EDC3: variants seen among roughly 807,000 people sequenced by gnomAD.
EDC3 encodes enhancer of mRNA decapping 3.
In EDC3, 20 loss-of-function variants were observed where a neutral mutation model predicts 41.8. The observed-to-expected ratio is 0.48, with a 90% CI of 0.34 to 0.70. The LOEUF (loss-of-function observed/expected upper bound fraction) is 0.70. Among genes scored for constraint, EDC3 ranks in the 30% least tolerant of loss-of-function variants. The pLI is 0.01. For missense variants in EDC3, 444 were observed against 636.8 expected (o/e 0.70, Z 3.26); for synonymous variants, 206 against 243.2 (o/e 0.85, Z 1.42).
At chr15:74,656,892 A>C (rs2062555850) in intron 3 of EDC3, among the ~76,000 whole-genome samples, 1 of 152,190 alleles carries the variant, frequency 6.6e-6, no homozygotes, top group Admixed American at 6.5e-5. Context: ...CTTCAGAGGG[A>C]TAGCTTGACT....
chr15:74,678,314 G>C (rs557479163), intron 1 of EDC3, among the ~76,000 whole-genome samples: 15 of 152,258 alleles, frequency 9.9e-5, no homozygotes, highest in African/African-American at 3.6e-4. Flanking sequence ...ACAGCAGAGA[G>C]GGCTTACTGG....
chr15:74,685,158 G>C (rs1367898117), intron 1 of EDC3, among the ~76,000 whole-genome samples: 1 of 152,098 alleles, frequency 6.6e-6, no homozygotes, highest in Non-Finnish European at 1.5e-5. Flanking sequence ...ATTCTGGGAG[G>C]CTAAGGTGGG....
intron 3 of EDC3, among the ~76,000 whole-genome samples, chr15:74,669,553 C>T (rs1357269252): frequency 1.3e-5 from 2 of 151,704 alleles, no homozygotes; most frequent in African/African-American, 2.4e-5. Context: ...TGTTTATTCA[C>T]TTGAATCAGG....
rs138873322 is a variant in EDC3, at chr15:74,666,968, T to C, written c.484+4487A>G. On this transcript the variant is annotated intron_variant, in intron 3 of 6. Coordinates refer to ENST00000315127, the MANE Select transcript of EDC3 (RefSeq NM_025083.5). ...AGGAAATGGGAGACCTAAATAACTC[T>C]AGAAATGAATGGAGTCAGATGAAAG... Among the ~76,000 whole-genome samples, 237 of 152,264 alleles carry C rather than the reference T, an allele frequency of 1.6e-3. 1 individual carries two copies. Among genetic ancestry groups the C allele is most frequent in the Non-Finnish European group, 1.9e-3 (132 of 68,022 alleles).
At chr15:74,659,924 A>G (rs2062601408) in intron 3 of EDC3, among the ~76,000 whole-genome samples, 1 of 152,012 alleles carries the variant, frequency 6.6e-6, no homozygotes, top group Non-Finnish European at 1.5e-5. Flanking sequence ...GCGCACATGT[A>G]GTCCCAGCTA....
intron 4 of EDC3, among the ~76,000 whole-genome samples, chr15:74,651,142 T>A (rs1472402402): frequency 1.3e-5 from 2 of 152,218 alleles, no homozygotes; most frequent in African/African-American, 4.8e-5. Flanking sequence ...CTCACACACA[T>A]CTAGTGTTTT....
intron 1 of EDC3, among the ~76,000 whole-genome samples, chr15:74,690,609 A>T (rs1445603820): frequency 1.3e-5 from 2 of 152,248 alleles, no homozygotes; most frequent in African/African-American, 2.4e-5. Flanking sequence ...ACAACAGGAA[A>T]GGTGTTTGTT....
At chr15:74,647,561 T>A (rs934997319) in intron 4 of EDC3, among the ~76,000 whole-genome samples, 3 of 152,198 alleles carry the variant, frequency 2.0e-5, no homozygotes, top group African/African-American at 7.2e-5. Flanking sequence ...CCAAGACACC[T>A]ATCTTAACAG....
At chr15:74,687,497 C>G (rs2062952446) in intron 1 of EDC3, among the ~76,000 whole-genome samples, 1 of 152,174 alleles carries the variant, frequency 6.6e-6, no homozygotes, top group Non-Finnish European at 1.5e-5. Context: ...CCTTCCTCAG[C>G]CTCCTGAGTA....
At chr15:74,650,379 A>T (rs1011395233) in intron 4 of EDC3, among the ~76,000 whole-genome samples, 1 of 152,080 alleles carries the variant, frequency 6.6e-6, no homozygotes, top group African/African-American at 2.4e-5. Context: ...CCCTTTACTC[A>T]TACTATTCAC....
chr15:74,671,913 C>G lies in EDC3; in HGVS notation c.165-139G>C. ...AGAGGCTAGGAAAGGGGGCTGTGTG[C>G]TTAAGGACAGGGGTCAGCCACCAAC... On this transcript the variant is annotated intron_variant, in intron 2 of 6. Coordinates refer to ENST00000315127, the MANE Select transcript of EDC3 (RefSeq NM_025083.5). This position sits in a 1 kb window ranked among gnomAD's most constrained non-coding sequence, Gnocchi z 4.6. 1.2e-6 allele frequency: 1 copy of G among 825,526 alleles called. No individual in the cohort carries two copies. Among genetic ancestry groups the G allele is most frequent in the Non-Finnish European group, 1.9e-6 (1 of 530,172 alleles). The allele number at this position is 825,526 out of a possible 1,614,324, so 51.1% of individuals were successfully genotyped here. A position where few individuals can be genotyped will look rare whatever the true frequency, so the allele number is the denominator to read the frequency against.
At chr15:74,647,078 C>T (rs964597484) in intron 4 of EDC3, among the ~76,000 whole-genome samples, 6 of 149,600 alleles carry the variant, frequency 4.0e-5, no homozygotes, top group African/African-American at 1.5e-4. Flanking sequence ...GGTGCGATCT[C>T]GGCTTACTGC....
intron 1 of EDC3, among the ~76,000 whole-genome samples, chr15:74,675,352 T>G (rs1230143367): frequency 1.3e-5 from 2 of 151,888 alleles, no homozygotes; most frequent in Non-Finnish European, 2.9e-5. Context: ...CATATAAAGA[T>G]CTTATAATTG....
At chr15:74,677,383 G>A (rs1418348906) in intron 1 of EDC3, among the ~76,000 whole-genome samples, 2 of 122,294 alleles carry the variant, frequency 1.6e-5, no homozygotes, top group Non-Finnish European at 3.3e-5. Context: ...TTTTTTTGGA[G>A]ACTGAGTCTC....
At chr15:74,650,848 A>G (rs1173251499) in intron 4 of EDC3, among the ~76,000 whole-genome samples, 1 of 151,934 alleles carries the variant, frequency 6.6e-6, no homozygotes, top group Non-Finnish European at 1.5e-5. Context: ...AAATACAAAA[A>G]TTTGCCAGGT....
intron 4 of EDC3, among the ~76,000 whole-genome samples, chr15:74,649,084 A>G (rs982550633): frequency 4.4e-5 from 4 of 91,238 alleles, no homozygotes; most frequent in African/African-American, 2.0e-4. Flanking sequence ...TTTTTTTTTG[A>G]GACAGAGTCT....
chr15:74,675,100 T>C lies in EDC3; in HGVS notation c.25A>G (p.Ile9Val). Residue 9 changes from isoleucine (I) to valine (V), a missense_variant, in exon 2 of 7, where the codon ATT becomes GTT. Coordinates refer to ENST00000315127, the MANE Select transcript of EDC3 (RefSeq NM_025083.5). ...CTATCTCCACAATTGATGGACACAA[T>C]ACTTCCCAGCCAATCTGTAGCCATG... Reference protein sequence around the residue: MATDWLGSIVSINCGDSLG... With the variant: MATDWLGSVVSINCGDSLG... The C allele has an allele frequency of 1.2e-6, 2 of 1,613,614 alleles. No individual in the cohort carries two copies. The highest frequency in any genetic ancestry group is 8.5e-7 in the Non-Finnish European group (1 of 1,180,032).
At chr15:74,646,427 A>G (rs1287527050) in intron 4 of EDC3, among the ~76,000 whole-genome samples, 3 of 152,246 alleles carry the variant, frequency 2.0e-5, no homozygotes, top group Non-Finnish European at 4.4e-5. Context: ...CAAACTTCAG[A>G]AAATAACACA....
At chr15:74,693,399 A>G (rs1418964492) in intron 1 of EDC3, among the ~76,000 whole-genome samples, 1 of 152,236 alleles carries the variant, frequency 6.6e-6, no homozygotes, top group Non-Finnish European at 1.5e-5. Context: ...TTCATTAAAC[A>G]GCACTGAGCA....
Sources: gnomAD v4.1 joint callset for allele counts (sites outside exome capture counted in the v4.1 genomes callset) on GRCh38, gnomAD v4.1.1 for gene constraint, Gnocchi (gnomAD v3.1) non-coding constraint, MANE v1.5 for transcripts, NCBI Gene and HGNC (gene_info 2026-07-23, HGNC 2026-07-21) for gene names.